SIL1: variants seen among roughly 807,000 people sequenced by gnomAD.
SIL1 encodes the protein SIL1 nucleotide exchange factor, also known as nucleotide exchange factor SIL1.
SIL1 carries 40 observed loss-of-function variants against 49.1 expected under a neutral mutation model. That is an observed-to-expected ratio of 0.81 (90% CI 0.63 to 1.06). The LOEUF (loss-of-function observed/expected upper bound fraction) is 1.06. Ranked by LOEUF, SIL1 falls within the 50% of genes least tolerant of loss-of-function variation. The pLI, the probability that SIL1 is intolerant of heterozygous loss-of-function variation, is 0.00. For synonymous variants in SIL1, 253 were observed against 250.8 expected (o/e 1.01, Z -0.08); for missense variants, 500 against 572.6 (o/e 0.87, Z 1.29).
Position 138,948,734 on chromosome 5 carries a change from T to G in SIL1, c.1030-1261A>C, listed in dbSNP as rs1448786073. Among the ~76,000 whole-genome samples, 2 of 152,130 alleles carry G rather than the reference T, an allele frequency of 1.3e-5. No homozygotes were observed. The highest frequency in any genetic ancestry group is 2.9e-5 in the Non-Finnish European group (2 of 68,000). On this transcript the variant is annotated intron_variant, in intron 9 of 9. Coordinates refer to ENST00000394817, the MANE Select transcript of SIL1 (RefSeq NM_022464.5). This position sits in a 1 kb window ranked among gnomAD's most constrained non-coding sequence, Gnocchi z 4.8. ...TGCTTATATGCTGCTGTGGTTTGAG[T>G]GTGTTCCCTAAAAGTTCAAGTGTTG...
intron 3 of SIL1, among the ~76,000 whole-genome samples, chr5:139,114,174 C>T (rs1330920989): frequency 6.6e-6 from 1 of 152,246 alleles, no homozygotes; most frequent in Non-Finnish European, 1.5e-5. Context: ...CAGAACTCAG[C>T]CAGCCGGCTG....
At chr5:139,073,790 G>A (rs1769885274) in intron 3 of SIL1, among the ~76,000 whole-genome samples, 1 of 151,954 alleles carries the variant, frequency 6.6e-6, no homozygotes, top group African/African-American at 2.4e-5. Flanking sequence ...GCCAGGCTTG[G>A]TGGTGGGCAC....
chr5:139,087,727 A>G (rs1770254327), intron 3 of SIL1, among the ~76,000 whole-genome samples: 2 of 152,174 alleles, frequency 1.3e-5, no homozygotes, highest in Admixed American at 6.5e-5. Flanking sequence ...GGAAAATGTC[A>G]AAAGTAGGGG....
chr5:139,144,795 C>T (rs766842170), intron 1 of SIL1, among the ~76,000 whole-genome samples: 66 of 152,122 alleles, frequency 4.3e-4, no homozygotes, highest in African/African-American at 1.5e-3. Flanking sequence ...CACTTGAACC[C>T]GGGAGGTGGA....
intron 1 of SIL1, chr5:139,137,183 T>G: frequency 1.7e-6 from 1 of 574,848 alleles, no homozygotes; most frequent in Non-Finnish European, 3.1e-6. Context: ...TGTCAAATAA[T>G]AATTATAGTC....
intron 4 of SIL1, among the ~76,000 whole-genome samples, chr5:139,046,558 C>T (rs1054503382): frequency 1.3e-5 from 2 of 152,186 alleles, no homozygotes; most frequent in African/African-American, 4.8e-5. Context: ...CCTGTTGTTC[C>T]ATCTGTCTGA....
chr5:139,185,860 GGATAA>G (rs1752069632), intron 1 of SIL1, among the ~76,000 whole-genome samples: 1 of 152,364 alleles, frequency 6.6e-6, no homozygotes, highest in East Asian at 1.9e-4. Flanking sequence ...GACAGCCAGA[GGATAA>G]GATATCACCT....
At chr5:139,008,397 C>G (rs1428014724) in intron 7 of SIL1, among the ~76,000 whole-genome samples, 4 of 125,826 alleles carry the variant, frequency 3.2e-5, no homozygotes, top group Non-Finnish European at 6.6e-5. Context: ...TTTTGTTGAT[C>G]CTTTCAAAAA....
Position 139,087,717 on chromosome 5 carries a change from G to A in SIL1, c.244+33318C>T, listed in dbSNP as rs560402687. 2.8e-4 allele frequency among the ~76,000 whole-genome samples: 43 copies of A among 152,228 alleles called. 1 individual carries two copies. The highest frequency in any genetic ancestry group is 2.6e-3 in the Admixed American group (40 of 15,294). ...GAGGTGAGGCTGACAGGTTATGAGAGGAAAATGTCAAAAGTAGGGGAAGGC... is the reference window on the plus strand; with the variant it reads ...GAGGTGAGGCTGACAGGTTATGAGAAGAAAATGTCAAAAGTAGGGGAAGGC... On this transcript the variant is annotated intron_variant, in intron 3 of 9. Coordinates refer to ENST00000394817, the MANE Select transcript of SIL1 (RefSeq NM_022464.5).
At chr5:139,145,988 GTATGTA>G (rs759525682) in intron 1 of SIL1, among the ~76,000 whole-genome samples, 1 of 152,016 alleles carries the variant, frequency 6.6e-6, no homozygotes, top group Non-Finnish European at 1.5e-5. Flanking sequence ...GTGTGTGTGT[GTATGTA>G]TATGTATATG....
At chr5:139,018,918 A>G (rs1349594801) in intron 7 of SIL1, among the ~76,000 whole-genome samples, 1 of 152,246 alleles carries the variant, frequency 6.6e-6, no homozygotes, top group Non-Finnish European at 1.5e-5. Context: ...AAGGTTGTCC[A>G]TGGGCACACA....
chr5:139,145,633 T>TGGGG (rs1751178948), intron 1 of SIL1, among the ~76,000 whole-genome samples: 2 of 3,486 alleles, frequency 5.7e-4, no homozygotes, highest in Non-Finnish European at 8.1e-4. Context: ...TGGGGGCGTG[T>TGGGG]GTGTGTGTGT....
intron 3 of SIL1, among the ~76,000 whole-genome samples, chr5:139,105,695 C>T (rs906055716): frequency 1.3e-5 from 2 of 152,214 alleles, no homozygotes; most frequent in African/African-American, 4.8e-5. Flanking sequence ...TGAGCCGCGA[C>T]ACTGGCAGAT....
At chr5:139,045,031 AAGC>A (rs1769122733) in intron 4 of SIL1, among the ~76,000 whole-genome samples, 1 of 152,126 alleles carries the variant, frequency 6.6e-6, no homozygotes, top group Non-Finnish European at 1.5e-5. Context: ...CTCAACCACT[AAGC>A]AGCATTTGCA....
chr5:139,164,510 T>G (rs571713971), intron 1 of SIL1, among the ~76,000 whole-genome samples: 1 of 152,148 alleles, frequency 6.6e-6, no homozygotes, highest in East Asian at 1.9e-4. Context: ...AGTCAGCCTC[T>G]CTCAGCCCCT....
intron 3 of SIL1, among the ~76,000 whole-genome samples, chr5:139,079,064 C>T (rs542818774): frequency 6.6e-6 from 1 of 152,316 alleles, no homozygotes; most frequent in Admixed American, 6.5e-5. Flanking sequence ...TGAATAATCA[C>T]AAATGGTTAG....
chr5:139,143,330 C>CATATATATAT (rs1213045532), intron 1 of SIL1, among the ~76,000 whole-genome samples: 6 of 95,936 alleles, frequency 6.3e-5, no homozygotes, highest in African/African-American at 2.3e-4. Flanking sequence ...CACACACACA[C>CATATATATAT]ACACACACAC....
intron 3 of SIL1, among the ~76,000 whole-genome samples, chr5:139,096,827 C>T (rs1346066901): frequency 6.6e-6 from 1 of 151,850 alleles, no homozygotes; most frequent in Admixed American, 6.6e-5. Flanking sequence ...ATGCTGAGGG[C>T]CTTGGGTAAG....
At chr5:139,175,532 G>A (rs1044682919) in intron 1 of SIL1, among the ~76,000 whole-genome samples, 2 of 152,218 alleles carry the variant, frequency 1.3e-5, no homozygotes, top group Admixed American at 1.3e-4. Context: ...AGACCTGATG[G>A]CTTCACCAAA....
Sources: gnomAD v4.1 joint callset for allele counts (sites outside exome capture counted in the v4.1 genomes callset) on GRCh38, gnomAD v4.1.1 for gene constraint, Gnocchi (gnomAD v3.1) non-coding constraint, MANE v1.5 for transcripts, NCBI Gene and HGNC (gene_info 2026-07-23, HGNC 2026-07-21) for gene names.